ANKRD42: variants seen among roughly 807,000 people sequenced by gnomAD.
ANKRD42 encodes ankyrin repeat domain 42, also known as ankyrin repeat domain-containing protein 42.
In ANKRD42, 43 loss-of-function variants were observed where a neutral mutation model predicts 51.5. The observed-to-expected ratio is 0.83, with a 90% CI of 0.65 to 1.08. The LOEUF (loss-of-function observed/expected upper bound fraction) is 1.08. Among genes scored for constraint, ANKRD42 ranks in the 50% least tolerant of loss-of-function variants. The pLI, the probability that ANKRD42 is intolerant of heterozygous loss-of-function variation, is 0.00. For synonymous variants in ANKRD42, 203 were observed against 213.0 expected, an observed-to-expected ratio of 0.95 and a Z score of 0.41; for missense variants, 608 against 629.3, an observed-to-expected ratio of 0.97 and a Z score of 0.36.
At chr11:83,230,174 C>T (rs1863024001) in intron 7 of ANKRD42, among the ~76,000 whole-genome samples, 2 of 152,144 alleles carry the variant, frequency 1.3e-5, no homozygotes, top group African/African-American at 4.8e-5. Flanking sequence ...ACTTCAGCCT[C>T]CTGAGTAGCT....
chr11:83,193,726 C>A lies in ANKRD42; in HGVS notation c.-945C>A. The stretch of plus-strand genomic sequence containing the variant: ...GTCGGAAGTGTACTCGTTTCCAAGG[C>A]GACGGCCCTGCTGCCTCTCCAGCCA... On this transcript the variant is annotated 5_prime_UTR_variant, in exon 1 of 11. Transcript: ENST00000533342. 2 of 400,086 alleles carry A rather than the reference C, an allele frequency of 5.0e-6. No individual in the cohort carries two copies. Among genetic ancestry groups the A allele is most frequent in the South Asian group, 1.7e-5 (1 of 57,466 alleles). 24.8% of individuals were successfully genotyped at this position (400,086 alleles called of 1,614,324 possible).
At chr11:83,255,880 G>A (rs1190885051) in exon 12 of ANKRD42, 1 of 1,534,274 alleles carries the variant, frequency 6.5e-7, no homozygotes, top group African/African-American at 1.4e-5. Flanking sequence ...ACAAAGAGAA[G>A]AGGCGAGTAA....
At chr11:83,227,984 C>A in intron 7 of ANKRD42, 112 bp downstream of exon 7, 2 of 1,246,860 alleles carry the variant, frequency 1.6e-6, no homozygotes, top group Non-Finnish European at 1.1e-6. Flanking sequence ...TTCTGATACC[C>A]TAGCAGATAT....
intron 2 of ANKRD42, among the ~76,000 whole-genome samples, chr11:83,205,559 T>A (rs147960779): frequency 2.6e-3 from 389 of 152,332 alleles, no homozygotes; most frequent in African/African-American, 8.8e-3. Context: ...ATCTTAAAGA[T>A]ACATTTGACT....
Position 83,234,060 on chromosome 11 carries a change from G to C in ANKRD42, c.914-2344G>C, listed in dbSNP as rs536836920. Among the ~76,000 whole-genome samples, 45 of 152,194 alleles carry C rather than the reference G, an allele frequency of 3.0e-4. No homozygotes were observed. In the South Asian group the frequency reaches 8.5e-3, roughly 29 times the overall value. The stretch of plus-strand genomic sequence containing the variant: ...AACTACAATATTTCCTCTTAGTACT[G>C]CTTTTGCTCTATCTCATAGGTTTTT... On this transcript the variant is annotated intron_variant, in intron 7 of 10. Coordinates refer to ENST00000533342, the MANE Select transcript of ANKRD42 (RefSeq NM_001300975.2).
Position 83,227,887 on chromosome 11 carries a change from C to G in ANKRD42, c.913+15C>G. 7 of 1,588,872 alleles carry G rather than the reference C, an allele frequency of 4.4e-6. No homozygotes were observed. Among genetic ancestry groups the G allele is most frequent in the Non-Finnish European group, 6.0e-6 (7 of 1,171,010 alleles). The stretch of plus-strand genomic sequence containing the variant: ...TATGCATAAAGGTGAGTTATGATTC[C>G]TCCTTTCAGTTCGGATACAATAGCT... On this transcript the variant is annotated intron_variant, in intron 7 of 10. Transcript: ENST00000533342.
downstream of ANKRD42, among the ~76,000 whole-genome samples, chr11:83,250,192 G>C (rs1863649569): frequency 6.6e-6 from 1 of 152,050 alleles, no homozygotes; most frequent in African/African-American, 2.4e-5. Flanking sequence ...CCACCTTCTG[G>C]TCAGGACCTA....
chr11:83,244,356 G>C (rs1207195452), intron 9 of ANKRD42, among the ~76,000 whole-genome samples: 1 of 152,134 alleles, frequency 6.6e-6, no homozygotes, highest in Non-Finnish European at 1.5e-5. Context: ...TTTTTAAAAA[G>C]CATCCCATTT....
intron 9 of ANKRD42, among the ~76,000 whole-genome samples, chr11:83,243,722 C>T (rs189393335): frequency 1.8e-4 from 28 of 152,144 alleles, no homozygotes; most frequent in African/African-American, 5.5e-4. Context: ...AGTGCAGTGG[C>T]GCAATCTCGG....
chr11:83,194,145 C>T lies in ANKRD42; in HGVS notation c.-526C>T. ...AGAGAGTTAGGGGAGACAGCACCTT[C>T]TGCAGCAGCGACGTGAATTTTAGTG... is the stretch of plus-strand genomic sequence containing the variant. On this transcript the variant is annotated 5_prime_UTR_variant, in exon 1 of 11. Coordinates refer to ENST00000533342, the MANE Select transcript of ANKRD42 (RefSeq NM_001300975.2). The T allele has an allele frequency of 2.2e-6, 1 of 456,838 alleles. No homozygotes were observed. Among genetic ancestry groups the T allele is most frequent in the Non-Finnish European group, 4.4e-6 (1 of 227,028 alleles). 28.3% of individuals were successfully genotyped at this position (456,838 alleles called of 1,614,324 possible). A position where few individuals can be genotyped will look rare whatever the true frequency, so the allele number is the denominator to read the frequency against.
In ANKRD42 at chr11:83,210,418, T is replaced by C; in HGVS notation, c.449T>C (p.Val150Ala). Residue 150 changes from valine to alanine, a missense_variant and splice_region_variant, in exon 4 of 11, where the codon GTG becomes GCG. By Grantham distance (64) the Val-to-Ala change is moderately conservative. Transcript: ENST00000533342. Reference sequence around the variant, plus strand: ...TTACAAATAATGCTCCGAAGTGGAGTGGTGAGTGACTCCTGTTAATATGTG... The same window carrying C: ...TTACAAATAATGCTCCGAAGTGGAGCGGTGAGTGACTCCTGTTAATATGTG... Reference protein sequence around the residue: ...FTLQIMLRSGVDPSVTDKREW... With the variant: ...FTLQIMLRSGADPSVTDKREW... 6.2e-6 allele frequency: 10 copies of C among 1,613,688 alleles called. No individual in the cohort carries two copies. Among genetic ancestry groups the C allele is most frequent in the Non-Finnish European group, 8.5e-6 (10 of 1,179,756 alleles).
chr11:83,210,281 C>T lies in ANKRD42; in HGVS notation c.331-19C>T, dbSNP rs749658491. Reference sequence around the variant, plus strand: ...ACATCTATACTCATGTAAAGTCTTTCCTATTTCTCTATTTTTAGGCTCTTA... The same window carrying T: ...ACATCTATACTCATGTAAAGTCTTTTCTATTTCTCTATTTTTAGGCTCTTA... On this transcript the variant is annotated intron_variant, in intron 3 of 10. Transcript: ENST00000533342. 2.5e-6 allele frequency: 4 copies of T among 1,610,898 alleles called. No individual in the cohort carries two copies. In the African/African-American group the frequency reaches 5.3e-5, roughly 22 times the overall value.
intron 5 of ANKRD42, among the ~76,000 whole-genome samples, chr11:83,216,560 G>C (rs1044118438): frequency 2.0e-5 from 3 of 151,912 alleles, no homozygotes; most frequent in Admixed American, 2.0e-4. Context: ...TCCTGACCTC[G>C]TGGTCCGCCC....
chr11:83,225,307 C>T (rs556981618), intron 6 of ANKRD42, among the ~76,000 whole-genome samples: 11 of 151,890 alleles, frequency 7.2e-5, no homozygotes, highest in African/African-American at 1.7e-4. Flanking sequence ...TGGCACATGC[C>T]GGTAATCCCA....
downstream of ANKRD42, among the ~76,000 whole-genome samples, chr11:83,256,758 A>G (rs147007909): frequency 6.9e-4 from 105 of 152,294 alleles, no homozygotes; most frequent in African/African-American, 2.4e-3. Flanking sequence ...TTGACATGGT[A>G]TCATCAGAAC....
chr11:83,232,101 C>CTTTTTTT (rs59648047), intron 7 of ANKRD42, among the ~76,000 whole-genome samples: 14 of 140,524 alleles, frequency 1.0e-4, no homozygotes, highest in Admixed American at 1.4e-4. Context: ...TAAATTTTAG[C>CTTTTTTT]TTTTTTTTTT....
intron 5 of ANKRD42, among the ~76,000 whole-genome samples, chr11:83,220,414 C>T (rs567119327): frequency 7.2e-4 from 109 of 152,272 alleles, no homozygotes; most frequent in South Asian, 2.1e-3. Flanking sequence ...CACCACGTGA[C>T]GATCTAGATG....
chr11:83,198,681 TAGCTATAACAG>T, intron 2 of ANKRD42, 39 bp downstream of exon 2: 2 of 1,513,204 alleles, frequency 1.3e-6, no homozygotes, highest in Non-Finnish European at 1.8e-6. Flanking sequence ...AGGTAAGTTT[TAGCTATAACAG>T]TTTTGTAAAT....
At chr11:83,263,512 C>T (rs1864055956), downstream of ANKRD42, among the ~76,000 whole-genome samples, 1 of 152,172 alleles carries the variant, frequency 6.6e-6, no homozygotes, top group Non-Finnish European at 1.5e-5. Context: ...ACATTTTAAG[C>T]ACTCTGTAAA....
Sources: allele counts gnomAD v4.1 joint callset (sites outside exome capture counted in the v4.1 genomes callset), GRCh38; gene constraint gnomAD v4.1.1; transcripts MANE v1.5; gene names NCBI Gene and HGNC (gene_info 2026-07-23, HGNC 2026-07-21).